The following GOLGA8A variants were observed in gnomAD, a reference collection of about 807,000 sequenced individuals.
GOLGA8A encodes golgin A8 family member A.
In GOLGA8A, 3 loss-of-function variants were observed where a neutral mutation model predicts 22.1. That is an observed-to-expected ratio of 0.14 (90% CI 0.06 to 0.35). The LOEUF is 0.35. Ranked by LOEUF, GOLGA8A falls within the 10% of genes least tolerant of loss-of-function variation. The pLI, the probability that GOLGA8A is intolerant of heterozygous loss-of-function variation, is 1.00. For missense variants in GOLGA8A, 16 were observed against 233.2 expected (o/e 0.07, Z 6.07); for synonymous variants, 7 against 91.7 (o/e 0.08, Z 5.28).
rs533646133 is a variant in GOLGA8A, at chr15:34,436,613, C to G, written c.-1212+785G>C. On this transcript the variant is annotated intron_variant, in intron 1 of 24. Transcript: ENST00000359187. ...GCGGGCGTTCCCCGCACCCTCCCTCCGCGTCGGCCCGGAGAAAAGGAAGTT... is the reference window on the plus strand; with the variant it reads ...GCGGGCGTTCCCCGCACCCTCCCTCGGCGTCGGCCCGGAGAAAAGGAAGTT... Among the ~76,000 whole-genome samples, 9 of 150,278 alleles carry G rather than the reference C, an allele frequency of 6.0e-5. 2 individuals are homozygous for G. In the South Asian group the frequency reaches 6.4e-4, roughly 11 times the overall value.
intron 2 of GOLGA8A, among the ~76,000 whole-genome samples, chr15:34,433,560 A>G (rs1018507753): frequency 6.7e-6 from 1 of 149,132 alleles, no homozygotes; most frequent in Non-Finnish European, 1.5e-5. Context: ...CCACTGAATG[A>G]GGGTCTGTGC....
At chr15:34,436,426 T>G (rs1893514781) in intron 1 of GOLGA8A, among the ~76,000 whole-genome samples, 1 of 149,830 alleles carries the variant, frequency 6.7e-6, no homozygotes. Context: ...GTTTAGGAGC[T>G]GACTGCACTC....
chr15:34,434,851 TGA>T (rs937994152), intron 2 of GOLGA8A, among the ~76,000 whole-genome samples: 1 of 149,346 alleles, frequency 6.7e-6, no homozygotes, highest in Non-Finnish European at 1.5e-5. Context: ...GGTGAGGAAC[TGA>T]GACTGCGTTG....
chr15:34,423,893 C>T (rs1485432957), intron 2 of GOLGA8A, among the ~76,000 whole-genome samples: 6 of 149,294 alleles, frequency 4.0e-5, no homozygotes, highest in African/African-American at 1.5e-4. Context: ...CAGGGGGCCA[C>T]CACCACTGCC....
rs1307550395 is a variant in GOLGA8A at position 34,421,561 on chromosome 15, T to C, written c.-1123+13822A>G. Among the ~76,000 whole-genome samples, 2 of 143,214 alleles carry C rather than the reference T, an allele frequency of 1.4e-5. 1 individual carries two copies. Among genetic ancestry groups the C allele is most frequent in the Non-Finnish European group, 3.1e-5 (2 of 65,502 alleles). The allele number at this position is 143,214 out of a possible 152,430, so 94.0% of individuals were successfully genotyped here. A position where few individuals can be genotyped will look rare whatever the true frequency, so the allele number is the denominator to read the frequency against. On this transcript the variant is annotated intron_variant, in intron 2 of 24. Transcript: ENST00000359187. ...TTACTCGTTTTCAAGCAACACACAATGATACAAGTAAGTCCTCAAGAAGAC... is the reference window on the plus strand; with the variant it reads ...TTACTCGTTTTCAAGCAACACACAACGATACAAGTAAGTCCTCAAGAAGAC...
At chr15:34,434,556 GCT>G (rs1893407310) in intron 2 of GOLGA8A, among the ~76,000 whole-genome samples, 1 of 148,908 alleles carries the variant, frequency 6.7e-6, no homozygotes, top group Non-Finnish European at 1.5e-5. Context: ...CCAGCAGGCT[GCT>G]CTGAGACATG....
intron 2 of GOLGA8A, chr15:34,429,022 T>C (rs2935159): frequency 3.0e-4 from 45 of 147,726 alleles, no homozygotes; most frequent in South Asian, 2.6e-3. Context: ...CTCCCCGTGA[T>C]GCTGGCAGTG....
chr15:34,437,485 TCCTCG>T lies in GOLGA8A; in HGVS notation c.-1304_-1300del, dbSNP rs1566916926. The T allele has an allele frequency of 5.0e-5, 3 of 60,402 alleles. No individual in the cohort carries two copies. Among genetic ancestry groups the T allele is most frequent in the African/African-American group, 2.5e-4 (3 of 11,862 alleles). The allele number at this position is 60,402 out of a possible 1,614,324, so 3.7% of individuals were successfully genotyped here. ...CGCCGCCGTCCTCGCCGCGCCGCCG[TCCTCG>T]CCGCGCCGCCGTCCTCGCCGCGCCG... On this transcript the variant is annotated 5_prime_UTR_variant, in exon 1 of 25. Transcript: ENST00000359187.
intron 2 of GOLGA8A, among the ~76,000 whole-genome samples, chr15:34,435,043 G>C (rs1228051258): frequency 6.7e-6 from 1 of 149,592 alleles, no homozygotes; most frequent in African/African-American, 2.5e-5. Context: ...TCCTCCCCTG[G>C]ACAGTAAAGG....
intron 2 of GOLGA8A, among the ~76,000 whole-genome samples, chr15:34,427,553 C>G (rs1156738701): frequency 6.7e-6 from 1 of 148,174 alleles, no homozygotes; most frequent in Non-Finnish European, 1.5e-5. Flanking sequence ...AAAAGGAGGA[C>G]AAAGATCCTC....
At chr15:34,409,605 CCCCACCAGAAGAGTCTACCATGG>C in intron 2 of GOLGA8A, 3 of 486,060 alleles carry the variant, frequency 6.2e-6, no homozygotes, top group Non-Finnish European at 1.1e-5. Flanking sequence ...GCCCGCCATG[CCCCACCAGAAGAGTCTACCATGG>C]CCCACCGGAA....
chr15:34,401,093 AAC>A (rs1892046980), intron 5 of GOLGA8A, among the ~76,000 whole-genome samples: 1 of 31,822 alleles, frequency 3.1e-5, no homozygotes, highest in Admixed American at 3.0e-4. Context: ...TATTAAATAT[AAC>A]ACATACATTC....
At chr15:34,436,504 T>C (rs1893519924) in intron 1 of GOLGA8A, among the ~76,000 whole-genome samples, 1 of 149,870 alleles carries the variant, frequency 6.7e-6, no homozygotes, top group Admixed American at 6.7e-5. Flanking sequence ...TAAGCCTTTC[T>C]TCTGCCAGTA....
At chr15:34,401,055 C>T (rs1245782022) in intron 5 of GOLGA8A, among the ~76,000 whole-genome samples, 7 of 61,988 alleles carry the variant, frequency 1.1e-4, no homozygotes, top group Non-Finnish European at 2.8e-4. Context: ...CCTTTGTAAC[C>T]TTTATTTTCA....
intron 2 of GOLGA8A, among the ~76,000 whole-genome samples, chr15:34,434,884 G>C (rs769731796): frequency 6.7e-6 from 1 of 149,546 alleles, no homozygotes; most frequent in Non-Finnish European, 1.5e-5. Context: ...GCCTGTGAGT[G>C]GTACAGCCAG....
chr15:34,434,969 C>T (rs114038697), intron 2 of GOLGA8A, among the ~76,000 whole-genome samples: 1,990 of 149,558 alleles, frequency 0.013, 177 homozygotes, highest in African/African-American at 0.047. Flanking sequence ...TGATCTCTGC[C>T]GAAGACATTC....
chr15:34,431,763 A>G (rs1410434024), intron 2 of GOLGA8A, among the ~76,000 whole-genome samples: 29 of 148,820 alleles, frequency 1.9e-4, no homozygotes. Context: ...CCTAGGCTAC[A>G]TTTTAAAAAA....
Position 34,400,793 on chromosome 15 carries a change from T to C in GOLGA8A, c.-574-34A>G, listed in dbSNP as rs923261986. On this transcript the variant is annotated intron_variant, in intron 5 of 24. Transcript: ENST00000359187. ...ACAAAAGTGAGAGAAAATACTGACA[T>C]TAGGGTCATATCAAGAAAGTTCAAT... is the stretch of plus-strand genomic sequence containing the variant. The C allele has an allele frequency of 2.3e-4, 33 of 145,624 alleles. 1 individual carries two copies. The highest frequency in any genetic ancestry group is 6.6e-4 in the African/African-American group (27 of 40,934). The allele number at this position is 145,624 out of a possible 1,614,324, so 9.0% of individuals were successfully genotyped here.
At chr15:34,424,412 G>A (rs1223749519) in intron 2 of GOLGA8A, among the ~76,000 whole-genome samples, 1 of 140,688 alleles carries the variant, frequency 7.1e-6, no homozygotes, top group African/African-American at 2.6e-5. Flanking sequence ...GGTCGACGAT[G>A]GCAAATGATT....
Sources: allele counts gnomAD v4.1 joint callset (sites outside exome capture counted in the v4.1 genomes callset), GRCh38; gene constraint gnomAD v4.1.1; transcripts MANE v1.5; gene names NCBI Gene and HGNC (gene_info 2026-07-23, HGNC 2026-07-21).